TRIP11: variants seen among roughly 807,000 people sequenced by gnomAD.
TRIP11 encodes thyroid hormone receptor interactor 11, also known as thyroid receptor-interacting protein 11.
TRIP11 carries 148 observed loss-of-function variants against 223.1 expected under a neutral mutation model. The observed-to-expected ratio is 0.66, with a 90% confidence interval of 0.58 to 0.76. The LOEUF (loss-of-function observed/expected upper bound fraction) is 0.76, where lower values mean the gene tolerates loss of function less well. TRIP11 is among the 30% of genes least tolerant of loss of function. The pLI, the probability that TRIP11 is intolerant of heterozygous loss-of-function variation, is 0.00. For missense variants in TRIP11, 2,043 were observed against 2,222.0 expected, an observed-to-expected ratio of 0.92 and a Z score of 1.62; for synonymous variants, 762 against 772.6, an observed-to-expected ratio of 0.99 and a Z score of 0.23.
intron 2 of TRIP11, among the ~76,000 whole-genome samples, chr14:92,029,296 T>A (rs932215223): frequency 0.031 from 4,035 of 129,424 alleles, 125 homozygotes; most frequent in South Asian, 0.14. Flanking sequence ...TTTTTTTTTT[T>A]TTTTTTTTTT....
rs1413002127 is a variant in TRIP11, at chr14:92,039,908, A to T, written c.-223T>A. Reference sequence around the variant, plus strand: ...CCCGCCTCTAGTGACACAGTCACCTACGGAGGGCCTTCTGCTCATTCCCAC... The same window carrying T: ...CCCGCCTCTAGTGACACAGTCACCTTCGGAGGGCCTTCTGCTCATTCCCAC... On this transcript the variant is annotated 5_prime_UTR_variant, in exon 1 of 21. Transcript: ENST00000267622. 2 of 798,982 alleles carry T rather than the reference A, an allele frequency of 2.5e-6. No individual in the cohort carries two copies. Among genetic ancestry groups the T allele is most frequent in the Non-Finnish European group, 3.9e-6 (2 of 516,798 alleles). 49.5% of individuals were successfully genotyped at this position (798,982 alleles called of 1,614,324 possible). A position where few individuals can be genotyped will look rare whatever the true frequency, so the allele number is the denominator to read the frequency against.
chr14:92,011,000 G>T lies in TRIP11; in HGVS notation c.1300C>A (p.Leu434Met). The T allele has an allele frequency of 6.2e-7, 1 of 1,613,840 alleles. No homozygotes were observed. The highest frequency in any genetic ancestry group is 8.5e-7 in the Non-Finnish European group (1 of 1,179,946). ...ACAGCACCCACCTTTTCTTGACTCAGTAATGACTTCTCTTTTTCTAAAACT... is the reference window on the plus strand; with the variant it reads ...ACAGCACCCACCTTTTCTTGACTCATTAATGACTTCTCTTTTTCTAAAACT... The part of the protein sequence containing the change: ...IEVLEKEKSL[L>M]SQEKEELQMS... The change falls in exon 9 of 21, where the codon CTG (leucine) becomes ATG (methionine). Residue 434 changes from leucine to methionine, a missense_variant. Coordinates refer to ENST00000267622, the MANE Select transcript of TRIP11 (RefSeq NM_004239.4).
chr14:92,027,069 G>C (rs765929561), intron 2 of TRIP11, among the ~76,000 whole-genome samples: 1 of 152,074 alleles, frequency 6.6e-6, no homozygotes, highest in African/African-American at 2.4e-5. Context: ...ATGAGAATTT[G>C]CAACAGGGGA....
At chr14:91,970,181 C>T (rs181337823) in intron 20 of TRIP11, among the ~76,000 whole-genome samples, 3 of 152,022 alleles carry the variant, frequency 2.0e-5, no homozygotes, top group Admixed American at 2.0e-4. Context: ...CTGAGGTGGG[C>T]GGATCACCTG....
intron 2 of TRIP11, among the ~76,000 whole-genome samples, chr14:92,029,282 T>TATTA (rs2057231074): frequency 6.6e-5 from 1 of 15,250 alleles, no homozygotes; most frequent in Non-Finnish European, 1.4e-4. Context: ...AAAGTATTAT[T>TATTA]TTTTTTTTTT....
intron 18 of TRIP11, 138 bp from the exon 19 acceptor site, chr14:91,974,881 G>C (rs1307656373): frequency 2.6e-6 from 2 of 764,610 alleles, no homozygotes; most frequent in Admixed American, 2.5e-5. Context: ...CCTACTGATA[G>C]AGTCTACAAA....
At position 91,993,460 on chromosome 14, in the gene TRIP11, G is replaced by C. The variant is rs1267291984; in HGVS notation, c.5160+349C>G. ...CATTGCACTCCAGCCTGGGTAACAA[G>C]AGTGAAACTCGGTCTCAAAAAAAAA... On this transcript the variant is annotated intron_variant, in intron 15 of 20. Transcript: ENST00000267622. Among the ~76,000 whole-genome samples the C allele has an allele frequency of 4.2e-5, 5 of 117,728 alleles. No individual in the cohort carries two copies. The East Asian group carries it at 1.3e-3, about 31-fold the overall frequency. 77.2% of individuals were successfully genotyped at this position (117,728 alleles called of 152,430 possible). A position where few individuals can be genotyped will look rare whatever the true frequency, so the allele number is the denominator to read the frequency against.
At position 92,004,780 on chromosome 14, in the gene TRIP11, A is replaced by G. The variant is rs376272395; in HGVS notation, c.3196T>C (p.Leu1066=). ...CTAGCATGAAGAGCTTGTATCTCCA[A>G]ATCTTTCTGCTGAATAATCTGAGTT... The part of the protein sequence containing the change: ...KLTQIIQQKD[L]EIQALHARIS... Residue 1066 remains leucine, a synonymous_variant, in exon 11 of 21, where the codon TTG becomes CTG. Coordinates refer to ENST00000267622, the MANE Select transcript of TRIP11 (RefSeq NM_004239.4). 6 of 1,614,010 alleles carry G rather than the reference A, an allele frequency of 3.7e-6. No individual in the cohort carries two copies. In the African/African-American group the frequency reaches 8.0e-5, roughly 22 times the overall value.
At chr14:92,006,471 G>C (rs1365401334) in intron 10 of TRIP11, 23 bp from the exon 11 acceptor site, 1 of 1,610,236 alleles carries the variant, frequency 6.2e-7, no homozygotes. Context: ...TTTGCATGGT[G>C]ACTTTACAAC....
At chr14:91,984,520 T>C (rs1228060763) in intron 16 of TRIP11, among the ~76,000 whole-genome samples, 1 of 152,080 alleles carries the variant, frequency 6.6e-6, no homozygotes, top group Non-Finnish European at 1.5e-5. Flanking sequence ...ATCACCATGT[T>C]GGCTAGGCTG....
intron 14 of TRIP11, among the ~76,000 whole-genome samples, chr14:91,995,019 CTTTG>C (rs1455821901): frequency 6.6e-6 from 1 of 151,914 alleles, no homozygotes; most frequent in Non-Finnish European, 1.5e-5. Context: ...ATCTCTCTTT[CTTTG>C]TATTCTCCTC....
chr14:91,996,868 G>C (rs1415232820), intron 13 of TRIP11, among the ~76,000 whole-genome samples: 2 of 152,154 alleles, frequency 1.3e-5, no homozygotes, highest in Non-Finnish European at 2.9e-5. Context: ...CTAAGAGGTA[G>C]ATATAGATAA....
intron 1 of TRIP11, among the ~76,000 whole-genome samples, chr14:92,036,765 G>A (rs892691334): frequency 1.2e-4 from 18 of 152,152 alleles, no homozygotes; most frequent in Non-Finnish European, 1.6e-4. Context: ...AGACAGGGTC[G>A]TCTCTGTCAC....
chr14:91,987,153 G>T (rs889235251), intron 16 of TRIP11, among the ~76,000 whole-genome samples: 1 of 152,064 alleles, frequency 6.6e-6, no homozygotes, highest in African/African-American at 2.4e-5. Context: ...ATACATAATT[G>T]TTTCCTTGCT....
chr14:91,993,268 G>A (rs976878985), intron 15 of TRIP11, among the ~76,000 whole-genome samples: 1 of 151,888 alleles, frequency 6.6e-6, no homozygotes, highest in Non-Finnish European at 1.5e-5. Flanking sequence ...CCTGAGGTCA[G>A]GAGTTCGAGA....
rs5810569 is a variant in TRIP11, at chr14:92,023,857, C to CTT, written c.312+1451_312+1452dup. On this transcript the variant is annotated intron_variant, in intron 3 of 20. Coordinates refer to ENST00000267622, the MANE Select transcript of TRIP11 (RefSeq NM_004239.4). ...TAGTAGTAATTTTATATCTGCTGAA[C>CTT]TTTTTTTTTTTTTTTTGAGACGGAG... Among the ~76,000 whole-genome samples, 826 of 141,188 alleles carry CTT rather than the reference C, an allele frequency of 5.9e-3. 11 individuals carry two copies. The highest frequency in any genetic ancestry group is 0.02 in the African/African-American group (754 of 38,570). 92.6% of individuals were successfully genotyped at this position (141,188 alleles called of 152,430 possible).
chr14:91,979,956 A>G (rs774810461), intron 16 of TRIP11, among the ~76,000 whole-genome samples: 25 of 151,982 alleles, frequency 1.6e-4, no homozygotes, highest in Admixed American at 2.6e-4. Context: ...ATAATCTCAC[A>G]TGCCAAAATA....
At chr14:91,985,392 C>T (rs189894019) in intron 16 of TRIP11, among the ~76,000 whole-genome samples, 1 of 147,506 alleles carries the variant, frequency 6.8e-6, no homozygotes, top group African/African-American at 2.6e-5. Context: ...ACTCTTAATT[C>T]ATAAGCACAG....
chr14:91,993,946 G>C, intron 14 of TRIP11, 34 bp from the exon 15 acceptor site: 1 of 1,509,406 alleles, frequency 6.6e-7, no homozygotes, highest in Non-Finnish European at 9.2e-7. Context: ...TTAGTATTTT[G>C]CAATCGTGTG....
Sources: gnomAD v4.1 joint callset for allele counts (sites outside exome capture counted in the v4.1 genomes callset) on GRCh38, gnomAD v4.1.1 for gene constraint, MANE v1.5 for transcripts, NCBI Gene and HGNC (gene_info 2026-07-23, HGNC 2026-07-21) for gene names.